The following DNAH9 variants were observed in gnomAD, a reference collection of about 807,000 sequenced individuals.
DNAH9 encodes the protein dynein axonemal heavy chain 9, also known as DNAH9 variant protein.
A neutral mutation model predicts 471.6 loss-of-function variants in DNAH9; 345 were observed. The observed-to-expected ratio is 0.73, with a 90% CI of 0.67 to 0.80. DNAH9 has a LOEUF of 0.80. DNAH9 is among the 30% of genes least tolerant of loss of function. The pLI is 0.00. For missense variants in DNAH9, 5,407 were observed against 5,609.2 expected (o/e 0.96, Z 1.15); for synonymous variants, 2,093 against 2,123.6 (o/e 0.99, Z 0.40).
intron 37 of DNAH9, 148 bp from the exon 38 acceptor site, chr17:11,768,974 A>G: frequency 1.2e-6 from 1 of 818,716 alleles, no homozygotes. Flanking sequence ...CCCACTGTGA[A>G]CATCAGGGAA....
intron 26 of DNAH9, among the ~76,000 whole-genome samples, chr17:11,708,010 C>CAGAGAGAG (rs2074750745): frequency 4.1e-5 from 2 of 48,296 alleles, no homozygotes; most frequent in Admixed American, 2.5e-4. Context: ...CACACACACA[C>CAGAGAGAG]ACACAGAGAG....
At chr17:11,939,875 AATTG>A (rs1391894930) in intron 66 of DNAH9, among the ~76,000 whole-genome samples, 1 of 150,184 alleles carries the variant, frequency 6.7e-6, no homozygotes, top group Non-Finnish European at 1.5e-5. Flanking sequence ...ATGGATAGAT[AATTG>A]ATGGATGAAT....
chr17:11,854,996 T>A (rs1971572327), intron 50 of DNAH9, among the ~76,000 whole-genome samples: 1 of 152,228 alleles, frequency 6.6e-6, no homozygotes, highest in Non-Finnish European at 1.5e-5. Flanking sequence ...ATGGGGATGG[T>A]GATCTTGGAT....
intron 57 of DNAH9, among the ~76,000 whole-genome samples, chr17:11,889,487 G>GCC (rs35320916): frequency 5.3e-5 from 8 of 152,136 alleles, no homozygotes; most frequent in African/African-American, 9.6e-5. Flanking sequence ...AAGGGATGCT[G>GCC]CCCCCCTAGA....
intron 4 of DNAH9, among the ~76,000 whole-genome samples, chr17:11,617,133 C>T (rs2072762456): frequency 6.6e-6 from 1 of 152,120 alleles, no homozygotes; most frequent in African/African-American, 2.4e-5. Flanking sequence ...AAGTAATTGG[C>T]AAATATTTAC....
rs761962839 is a variant in DNAH9, at chr17:11,610,426, T to C, written c.645T>C (p.Tyr215=). The C allele has an allele frequency of 6.2e-6, 10 of 1,613,706 alleles. No individual in the cohort carries two copies. The East Asian group carries it at 1.3e-4, about 22-fold the overall frequency. ...ATTCTATAGATAAGTCAGTCATCTATGCCATTGAGTCTGCAGTGATCAAAT... is the reference window on the plus strand; with the variant it reads ...ATTCTATAGATAAGTCAGTCATCTACGCCATTGAGTCTGCAGTGATCAAAT... The part of the protein sequence containing the change: ...VLDSIDKSVI[Y]AIESAVIKWS... Residue 215 remains tyrosine, a synonymous_variant, in exon 3 of 69, where the codon TAT becomes TAC. Transcript: ENST00000262442.
At chr17:11,734,558 T>C (rs1044006871) in intron 28 of DNAH9, among the ~76,000 whole-genome samples, 1 of 152,144 alleles carries the variant, frequency 6.6e-6, no homozygotes, top group Non-Finnish European at 1.5e-5. Flanking sequence ...GGCCAGTTTG[T>C]CCCAGCCAGT....
At position 11,743,555 on chromosome 17, in the gene DNAH9, C is replaced by T. The variant is rs2075463477; in HGVS notation, c.6111+1242C>T. On this transcript the variant is annotated intron_variant, in intron 30 of 68. Coordinates refer to ENST00000262442, the MANE Select transcript of DNAH9 (RefSeq NM_001372.4). The stretch of plus-strand genomic sequence containing the variant: ...TGCAGGGTGTTCTGTCTCCTCCTAC[C>T]TCAACAGCAGCGGCTCACAGCTCTC... Among the ~76,000 whole-genome samples the T allele has an allele frequency of 2.0e-5, 3 of 152,192 alleles. No homozygotes were observed. In the South Asian group the frequency reaches 6.2e-4, roughly 32 times the overall value.
At position 11,695,710 on chromosome 17, in the gene DNAH9, G is replaced by A. The variant is rs558374760; in HGVS notation, c.4872+1263G>A. ...AGGCTTGTCGAAGTACAGATTCCTCGGTCCCACTCCCACTGTTTCTGATTC... is the reference window on the plus strand; with the variant it reads ...AGGCTTGTCGAAGTACAGATTCCTCAGTCCCACTCCCACTGTTTCTGATTC... On this transcript the variant is annotated intron_variant, in intron 22 of 68. Coordinates refer to ENST00000262442, the MANE Select transcript of DNAH9 (RefSeq NM_001372.4). 3.9e-5 allele frequency among the ~76,000 whole-genome samples: 6 copies of A among 152,252 alleles called. No homozygotes were observed. The East Asian group carries it at 9.6e-4, about 24-fold the overall frequency.
intron 8 of DNAH9, 40 bp downstream of exon 8, chr17:11,632,743 C>T: frequency 1.1e-6 from 1 of 946,718 alleles, no homozygotes; most frequent in South Asian, 1.3e-5. Context: ...GTCCTGGATA[C>T]TCCCCCGGCC....
chr17:11,721,889 T>C (rs1392889082), intron 27 of DNAH9, among the ~76,000 whole-genome samples: 1 of 151,990 alleles, frequency 6.6e-6, no homozygotes, highest in Non-Finnish European at 1.5e-5. Flanking sequence ...AGGAAAGACA[T>C]GTGGAGGACG....
chr17:11,820,523 T>C (rs1461026094), intron 45 of DNAH9, among the ~76,000 whole-genome samples: 2 of 152,204 alleles, frequency 1.3e-5, no homozygotes, highest in Non-Finnish European at 2.9e-5. Flanking sequence ...AGTTTTGATA[T>C]ACATTTCTGT....
rs757661627 is a variant in DNAH9, at chr17:11,781,183, G to A, written c.7718+9G>A. Reference sequence around the variant, plus strand: ...CTGGACTATGGCCACTGGTAAGAGCGCCCATGTAGAGGGACTGGCCCAAGG... The same window carrying A: ...CTGGACTATGGCCACTGGTAAGAGCACCCATGTAGAGGGACTGGCCCAAGG... On this transcript the variant is annotated intron_variant, in intron 39 of 68. Transcript: ENST00000262442. 5.1e-5 allele frequency: 82 copies of A among 1,612,750 alleles called. No individual in the cohort carries two copies. The highest frequency in any genetic ancestry group is 5.8e-5 in the Non-Finnish European group (68 of 1,179,282).
intron 26 of DNAH9, among the ~76,000 whole-genome samples, chr17:11,714,435 G>A (rs1462443680): frequency 6.6e-6 from 1 of 152,138 alleles, no homozygotes; most frequent in Non-Finnish European, 1.5e-5. Context: ...AGTGAGCTGA[G>A]TATGCCTCGG....
intron 7 of DNAH9, chr17:11,630,540 C>G (rs2073047252): frequency 6.6e-6 from 1 of 152,104 alleles, no homozygotes; most frequent in African/African-American, 2.4e-5. Context: ...CACACTGGGA[C>G]CTGTCAGGGG....
chr17:11,879,953 A>T, intron 53 of DNAH9, 125 bp from the exon 54 acceptor site: 1 of 1,189,566 alleles, frequency 8.4e-7, no homozygotes, highest in Admixed American at 2.1e-5. Flanking sequence ...CACTGAAAAC[A>T]TTCCAAATAG....
intron 50 of DNAH9, among the ~76,000 whole-genome samples, chr17:11,862,076 T>C (rs1298610004): frequency 2.4e-5 from 3 of 123,720 alleles, no homozygotes; most frequent in Admixed American, 7.5e-5. Context: ...TTTTGGTGTT[T>C]TAGACGTGAA....
chr17:11,797,864 A>G (rs1567809267), intron 43 of DNAH9, 71 bp downstream of exon 43: 1 of 1,485,274 alleles, frequency 6.7e-7, no homozygotes, highest in East Asian at 2.3e-5. Flanking sequence ...TCATTCGGCT[A>G]TTTGAGGTCA....
rs11871037 is a variant in DNAH9, at chr17:11,822,491, G to T, written c.8904G>T (p.Lys2968Asn). Residue 2968 changes from lysine (K) to asparagine (N), a missense_variant, in exon 47 of 69, where the codon AAG becomes AAT. Coordinates refer to ENST00000262442, the MANE Select transcript of DNAH9 (RefSeq NM_001372.4). ...VGNKLRVRSR[K>N]FPAIVNCTAI... ...ACAAGCTAAGAGTCCGCAGCAGGAA[G>T]TTCCCAGCCATTGTGAACTGCACAG... 15,376 of 1,614,104 alleles carry T rather than the reference G, an allele frequency of 9.5e-3. 1,209 individuals are homozygous for T. In the African/African-American group the frequency reaches 0.18, roughly 19 times the overall value.
Sources: gnomAD v4.1 joint callset for allele counts (sites outside exome capture counted in the v4.1 genomes callset) on GRCh38, gnomAD v4.1.1 for gene constraint, MANE v1.5 for transcripts, NCBI Gene and HGNC (gene_info 2026-07-23, HGNC 2026-07-21) for gene names.